Variants in IARS2 observed in about 807,000 individuals in gnomAD.
The protein encoded by IARS2 is isoleucyl-tRNA synthetase 2, mitochondrial.
In IARS2, 56 loss-of-function variants were observed where a neutral mutation model predicts 126.3. The ratio of observed to expected loss-of-function variants is 0.44; its 90% CI spans 0.36 to 0.55. The LOEUF is 0.55. Ranked by LOEUF, IARS2 falls within the 20% of genes least tolerant of loss-of-function variation. IARS2 has a pLI of 0.00. For missense variants in IARS2, 1,127 were observed against 1,245.9 expected, an observed-to-expected ratio of 0.90 and a Z score of 1.44; for synonymous variants, 407 against 441.1, an observed-to-expected ratio of 0.92 and a Z score of 0.97.
chr1:220,107,039 T>G (rs761434186), intron 9 of IARS2, 22 bp from the exon 10 acceptor site: 1 of 1,435,936 alleles, frequency 7.0e-7, no homozygotes, highest in Non-Finnish European at 9.8e-7. Flanking sequence ...ATATTTTAAT[T>G]GTTCAAAATG....
chr1:220,141,228 G>T (rs909988787), intron 19 of IARS2, among the ~76,000 whole-genome samples: 11 of 152,168 alleles, frequency 7.2e-5, no homozygotes, highest in Non-Finnish European at 1.6e-4. Flanking sequence ...CATAATGCTT[G>T]TTCTCAGGAG....
Position 220,141,839 on chromosome 1 carries a change from C to T in IARS2, c.2451C>T (p.Arg817=), listed in dbSNP as rs1196149821. Residue 817 remains arginine (R), a synonymous_variant, in exon 20 of 23, where the codon CGC becomes CGT. Transcript: ENST00000366922. ...YCEKENDPKR[R]SCQTALVEIL... ...AAAAGGAAAATGACCCCAAACGACGCTCTTGTCAGACTGCATTAGTTGAAA... is the reference window on the plus strand; with the variant it reads ...AAAAGGAAAATGACCCCAAACGACGTTCTTGTCAGACTGCATTAGTTGAAA... 1 of 1,614,132 alleles carries T rather than the reference C, an allele frequency of 6.2e-7. No homozygotes were observed. The highest frequency in any genetic ancestry group is 1.1e-5 in the South Asian group (1 of 91,082).
chr1:220,144,077 T>A (rs1657539319), intron 21 of IARS2: 2 of 1,160,170 alleles, frequency 1.7e-6, no homozygotes, highest in African/African-American at 3.0e-5. Flanking sequence ...GGAAGCAGAT[T>A]ATTTTGCCAT....
At position 220,114,405 on chromosome 1, in the gene IARS2, G is replaced by C; in HGVS notation, c.1571G>C (p.Arg524Thr). The stretch of plus-strand genomic sequence containing the variant: ...AGGCGGCCATATTGGTGTATATCAA[G>C]GCAAAGAGTTTGGGGTGTTCCAATT... ...MDRRPYWCISRQRVWGVPIPV... is the reference protein window; with the variant it reads ...MDRRPYWCISTQRVWGVPIPV... The change falls in exon 12 of 23, where the codon AGG becomes ACG. Residue 524 changes from arginine (R) to threonine (T), a missense_variant. By Grantham distance (71) the Arg-to-Thr change is moderately conservative. Coordinates refer to ENST00000366922, the MANE Select transcript of IARS2 (RefSeq NM_018060.4). 1 of 1,613,958 alleles carries C rather than the reference G, an allele frequency of 6.2e-7. No individual in the cohort carries two copies. Among genetic ancestry groups the C allele is most frequent in the Non-Finnish European group, 8.5e-7 (1 of 1,179,874 alleles).
chr1:220,136,924 C>T lies in IARS2; in HGVS notation c.2049+13C>T. On this transcript the variant is annotated intron_variant, in intron 16 of 22. Coordinates refer to ENST00000366922, the MANE Select transcript of IARS2 (RefSeq NM_018060.4). Reference sequence around the variant, plus strand: ...TAATGGAGGACAAGTAGGTGATTCTCTAAAATGTATTTTATTTTCGTTTTA... The same window carrying T: ...TAATGGAGGACAAGTAGGTGATTCTTTAAAATGTATTTTATTTTCGTTTTA... The T allele has an allele frequency of 2.7e-6, 4 of 1,500,978 alleles. No individual in the cohort carries two copies. The highest frequency in any genetic ancestry group is 3.7e-6 in the Non-Finnish European group (4 of 1,083,130). The allele number at this position is 1,500,978 out of a possible 1,614,324, so 93.0% of individuals were successfully genotyped here. A position where few individuals can be genotyped will look rare whatever the true frequency, so the allele number is the denominator to read the frequency against.
intron 12 of IARS2, among the ~76,000 whole-genome samples, chr1:220,114,734 G>A (rs1399157557): frequency 6.6e-6 from 1 of 151,870 alleles, no homozygotes; most frequent in Non-Finnish European, 1.5e-5. Flanking sequence ...CTGTATTAAG[G>A]TATCATGGAT....
At chr1:220,110,452 G>A (rs1489201710) in intron 10 of IARS2, among the ~76,000 whole-genome samples, 1 of 151,982 alleles carries the variant, frequency 6.6e-6, no homozygotes, top group East Asian at 1.9e-4. Context: ...TGCAACCTCT[G>A]CCTCCCAGGT....
At chr1:220,141,983 A>G (rs1657500815) in intron 20 of IARS2, 35 bp downstream of exon 20, 1 of 1,595,490 alleles carries the variant, frequency 6.3e-7, no homozygotes, top group Non-Finnish European at 8.6e-7. Context: ...TTAATGAGAA[A>G]TATCCCTGAT....
intron 14 of IARS2, among the ~76,000 whole-genome samples, chr1:220,131,983 G>A (rs1204354127): frequency 6.6e-6 from 1 of 150,930 alleles, no homozygotes; most frequent in Non-Finnish European, 1.5e-5. Flanking sequence ...ATTTTTAGTA[G>A]AGACGGGTTT....
chr1:220,094,392 G>T lies in IARS2; in HGVS notation c.176G>T (p.Arg59Ile), dbSNP rs1368712206. The T allele has an allele frequency of 6.2e-7, 1 of 1,612,592 alleles. No homozygotes were observed. Among genetic ancestry groups the T allele is most frequent in the East Asian group, 2.2e-5 (1 of 44,842 alleles). The stretch of plus-strand genomic sequence containing the variant: ...CACCAGCCGAACTCGAATAGTGGCA[G>T]ATACCGGGACACGGTGCTGCTGCCG... ...SNHQPNSNSG[R>I]YRDTVLLPQT... Residue 59 changes from arginine (R) to isoleucine (I), a missense_variant, in exon 1 of 23, where the codon AGA becomes ATA. Coordinates refer to ENST00000366922, the MANE Select transcript of IARS2 (RefSeq NM_018060.4).
chr1:220,123,927 A>G (rs757474551), intron 12 of IARS2, among the ~76,000 whole-genome samples: 2 of 152,258 alleles, frequency 1.3e-5, no homozygotes, highest in Non-Finnish European at 2.9e-5. Flanking sequence ...CAAATGTGCC[A>G]GGTATTGTTC....
At chr1:220,113,787 G>A (rs1656859947) in intron 11 of IARS2, among the ~76,000 whole-genome samples, 1 of 152,152 alleles carries the variant, frequency 6.6e-6, no homozygotes, top group Non-Finnish European at 1.5e-5. Flanking sequence ...TGGGATTACA[G>A]GTTTGAACCA....
intron 17 of IARS2, 37 bp from the exon 18 acceptor site, chr1:220,138,971 A>G: frequency 1.3e-6 from 2 of 1,585,236 alleles, no homozygotes; most frequent in Non-Finnish European, 1.7e-6. Context: ...GCACCATTAG[A>G]TTTTTTTAAC....
rs1657639623 is a variant in IARS2, at chr1:220,147,855, A to G, written c.*220A>G. On this transcript the variant is annotated 3_prime_UTR_variant, in exon 23 of 23. Transcript: ENST00000366922. ...TGCAGAAATATATATGTGTGTGTGT[A>G]TCTGTGGATGGATATATGTATATCT... The G allele has an allele frequency of 7.5e-6, 4 of 532,020 alleles. No homozygotes were observed. In the South Asian group the frequency reaches 1.3e-4, roughly 18 times the overall value. 33.0% of individuals were successfully genotyped at this position (532,020 alleles called of 1,614,324 possible). A position where few individuals can be genotyped will look rare whatever the true frequency, so the allele number is the denominator to read the frequency against.
intron 15 of IARS2, 120 bp from the exon 16 acceptor site, chr1:220,136,689 T>A: frequency 6.8e-6 from 3 of 439,354 alleles, no homozygotes; most frequent in Non-Finnish European, 8.2e-6. Context: ...TTATTCATAA[T>A]CAGTCAAGAA....
chr1:220,130,362 C>A (rs183879107), intron 14 of IARS2, among the ~76,000 whole-genome samples: 6 of 152,174 alleles, frequency 3.9e-5, no homozygotes, highest in Admixed American at 3.9e-4. Context: ...GCAGCTTTTT[C>A]TTAATATAGT....
Position 220,147,696 on chromosome 1 carries a change from T to A in IARS2, c.*61T>A. On this transcript the variant is annotated 3_prime_UTR_variant, in exon 23 of 23. Coordinates refer to ENST00000366922, the MANE Select transcript of IARS2 (RefSeq NM_018060.4). Reference sequence around the variant, plus strand: ...AGTACTGGCTAGAAGTTTGGATGGATTATTTACAATATAGGAAAGAAAGCC... The same window carrying A: ...AGTACTGGCTAGAAGTTTGGATGGAATATTTACAATATAGGAAAGAAAGCC... 1 of 1,552,718 alleles carries A rather than the reference T, an allele frequency of 6.4e-7. No homozygotes were observed. The highest frequency in any genetic ancestry group is 8.8e-7 in the Non-Finnish European group (1 of 1,137,548).
In IARS2 at chr1:220,094,454, C is replaced by T; in HGVS notation, c.238C>T (p.Gln80Ter). 8 of 1,610,270 alleles carry T rather than the reference C, an allele frequency of 5.0e-6. No individual in the cohort carries two copies. Among genetic ancestry groups the T allele is most frequent in the Non-Finnish European group, 6.8e-6 (8 of 1,178,670 alleles). The change falls in exon 1 of 23, where the codon CAG becomes TAG. Residue 80 changes from glutamine (Q) to a stop codon, truncating the protein, a stop_gained. Coordinates refer to ENST00000366922, the MANE Select transcript of IARS2 (RefSeq NM_018060.4). LOFTEE classifies it high-confidence loss of function. Reference protein sequence around the residue: ...SFPMKLLGRQQPDTELEIQQK... With the variant: ...SFPMKLLGRQ ...CCCCATGAAGCTGCTGGGCCGCCAG[C>T]AGCCGGACACGGAGCTGGAGATCCA... is the stretch of plus-strand genomic sequence containing the variant.
rs750485716 is a variant in IARS2 at position 220,094,211 on chromosome 1, C to A, written c.-6C>A. On this transcript the variant is annotated 5_prime_UTR_variant, in exon 1 of 23. Coordinates refer to ENST00000366922, the MANE Select transcript of IARS2 (RefSeq NM_018060.4). ...GGAGGACCCCGCTCTCAGGGGTTGC[C>A]GGACCATGCGTTGGGGGCTGCGCCC... 1.3e-6 allele frequency: 2 copies of A among 1,560,490 alleles called. No homozygotes were observed. Among genetic ancestry groups the A allele is most frequent in the South Asian group, 1.2e-5 (1 of 83,628 alleles).
Sources: allele counts gnomAD v4.1 joint callset (sites outside exome capture counted in the v4.1 genomes callset), GRCh38; gene constraint gnomAD v4.1.1; transcripts MANE v1.5; gene names NCBI Gene and HGNC (gene_info 2026-07-23, HGNC 2026-07-21).